ZNF462: variants seen among roughly 807,000 people sequenced by gnomAD.
ZNF462 encodes the protein zinc finger protein 462, also known as zinc finger PBX1-interacting protein.
In ZNF462, 10 loss-of-function variants were observed where a neutral mutation model predicts 201.9. The ratio of observed to expected loss-of-function variants is 0.05; its 90% confidence interval spans 0.03 to 0.08. The LOEUF (loss-of-function observed/expected upper bound fraction) is 0.08, where lower values mean the gene tolerates loss of function less well. Among genes scored for constraint, ZNF462 ranks in the 10% least tolerant of loss-of-function variants. The pLI, the probability that ZNF462 is intolerant of heterozygous loss-of-function variation, is 1.00. For missense variants in ZNF462, 2,523 were observed against 3,168.3 expected (o/e 0.80, Z 4.89); for synonymous variants, 1,227 against 1,193.3 (o/e 1.03, Z -0.58).
At position 106,880,600 on chromosome 9, in the gene ZNF462, T is replaced by C. The variant is rs567894437; in HGVS notation, c.-31+17245T>C. On this transcript the variant is annotated intron_variant, in intron 1 of 12. Transcript: ENST00000277225. The surrounding 1 kb of genome is among the most constrained non-coding windows in gnomAD (Gnocchi z 4.1). ...TGATCCTGCCTTTCTGGTGTCAGTTTTGTGGAGCTGCTAGAATAGAAAGAG... is the reference window on the plus strand; with the variant it reads ...TGATCCTGCCTTTCTGGTGTCAGTTCTGTGGAGCTGCTAGAATAGAAAGAG... 8.5e-5 allele frequency among the ~76,000 whole-genome samples: 13 copies of C among 152,330 alleles called. No homozygotes were observed. The highest frequency in any genetic ancestry group is 3.1e-4 in the African/African-American group (13 of 41,570).
At position 106,963,981 on chromosome 9, in the gene ZNF462, CCTT is replaced by C. The variant is rs971809793; in HGVS notation, c.6428-8020_6428-8018del. Among the ~76,000 whole-genome samples, 3 of 150,694 alleles carry C rather than the reference CCTT, an allele frequency of 2.0e-5. No homozygotes were observed. The highest frequency in any genetic ancestry group is 7.3e-5 in the African/African-American group (3 of 40,820). The stretch of plus-strand genomic sequence containing the variant: ...CTGGCTTTAGCATATAACAAGATTT[CCTT>C]CTTTTTTAAGGCTAAATAATATTCG... On this transcript the variant is annotated intron_variant, in intron 7 of 12. Transcript: ENST00000277225. The surrounding 1 kb of genome is among the most constrained non-coding windows in gnomAD (Gnocchi z 4.7).
In ZNF462 at chr9:106,966,620, T is replaced by A. The variant is rs192738083; in HGVS notation, c.6428-5385T>A. Among the ~76,000 whole-genome samples, 43 of 152,246 alleles carry A rather than the reference T, an allele frequency of 2.8e-4. No homozygotes were observed. Among genetic ancestry groups the A allele is most frequent in the Admixed American group, 1.7e-3 (26 of 15,270 alleles). ...GTTTGCATTGTATCACGATCAATTA[T>A]TTACATCTTTGTCTGAGAAAGTGAG... On this transcript the variant is annotated intron_variant, in intron 7 of 12. Transcript: ENST00000277225. This position sits in a 1 kb window ranked among gnomAD's most constrained non-coding sequence, Gnocchi z 4.4.
Position 106,927,152 on chromosome 9 carries a change from A to T in ZNF462, c.3240A>T (p.Gln1080His), listed in dbSNP as rs539882849. Residue 1080 changes from glutamine to histidine, a missense_variant, in exon 3 of 13, where the codon CAA (glutamine) becomes CAT (histidine). Gln to His is a conservative substitution (Grantham distance 24). This residue lies in a region of ZNF462 where 280 missense variants were observed against 321.3 expected (regional missense o/e 0.87). Coordinates refer to ENST00000277225, the MANE Select transcript of ZNF462 (RefSeq NM_021224.6). Reference sequence around the variant, plus strand: ...TGGACAGGGGCTCTGCCCTTTCTCAATTATCATTTGAGGTGGGTGCTCCAA... The same window carrying T: ...TGGACAGGGGCTCTGCCCTTTCTCATTTATCATTTGAGGTGGGTGCTCCAA... ...VSVDRGSALS[Q>H]LSFEVGAPMS... The T allele has an allele frequency of 1.2e-6, 2 of 1,614,092 alleles. No homozygotes were observed. Among genetic ancestry groups the T allele is most frequent in the African/African-American group, 2.7e-5 (2 of 75,024 alleles).
Position 106,864,103 on chromosome 9 carries a change from T to C in ZNF462, c.-31+748T>C, listed in dbSNP as rs867978290. ...CTCTCTCTCTCTCTCTCTCTCTCTC[T>C]CTCTCTCCCTCTCCCCGAAGTTGGG... is the stretch of plus-strand genomic sequence containing the variant. On this transcript the variant is annotated intron_variant, in intron 1 of 12. Transcript: ENST00000277225. Among the ~76,000 whole-genome samples, 138 of 109,970 alleles carry C rather than the reference T, an allele frequency of 1.3e-3. 1 individual carries two copies. The highest frequency in any genetic ancestry group is 4.1e-3 in the East Asian group (16 of 3,906). The allele number at this position is 109,970 out of a possible 152,430, so 72.1% of individuals were successfully genotyped here.
chr9:106,985,680 T>G (rs528367941), intron 10 of ZNF462, among the ~76,000 whole-genome samples: 4 of 152,210 alleles, frequency 2.6e-5, no homozygotes, highest in Non-Finnish European at 5.9e-5. Context: ...TTGCTCTGTA[T>G]CCTCATGAGT....
chr9:106,980,001 T>C (rs1827301031), intron 9 of ZNF462, among the ~76,000 whole-genome samples: 1 of 152,334 alleles, frequency 6.6e-6, no homozygotes, highest in South Asian at 2.1e-4. Context: ...CTAATTTATC[T>C]GATCAGTGTC....
At position 107,011,088 on chromosome 9, in the gene ZNF462, G is replaced by T. The variant is rs1036188650; in HGVS notation, c.*58G>T. 6.4e-7 allele frequency: 1 copy of T among 1,556,116 alleles called. No individual in the cohort carries two copies. Among genetic ancestry groups the T allele is most frequent in the Admixed American group, 1.7e-5 (1 of 59,004 alleles). On this transcript the variant is annotated 3_prime_UTR_variant, in exon 13 of 13. Coordinates refer to ENST00000277225, the MANE Select transcript of ZNF462 (RefSeq NM_021224.6). This position sits in a 1 kb window ranked among gnomAD's most constrained non-coding sequence, Gnocchi z 5.6. The stretch of plus-strand genomic sequence containing the variant: ...TGAACAGTGATGAAAAAGTGGGAGG[G>T]CTGGCTTGGGCTGAGAAGGGAGGGA...
chr9:106,937,547 A>T (rs1472934475), intron 6 of ZNF462, among the ~76,000 whole-genome samples: 1 of 152,206 alleles, frequency 6.6e-6, no homozygotes, highest in East Asian at 1.9e-4. Context: ...AATTTTAAAA[A>T]TACATGTTCA....
At position 106,970,403 on chromosome 9, in the gene ZNF462, A is replaced by G. The variant is rs1826535748; in HGVS notation, c.6428-1602A>G. On this transcript the variant is annotated intron_variant, in intron 7 of 12. Coordinates refer to ENST00000277225, the MANE Select transcript of ZNF462 (RefSeq NM_021224.6). This position sits in a 1 kb window ranked among gnomAD's most constrained non-coding sequence, Gnocchi z 4.2. ...TTTGCAGACAGGCGGTGGCCCAGCA[A>G]TCAGGGAGGCTGCTCTGCTTTTGTT... Among the ~76,000 whole-genome samples the G allele has an allele frequency of 6.6e-6, 1 of 152,148 alleles. No individual in the cohort carries two copies. Among genetic ancestry groups the G allele is most frequent in the Admixed American group, 6.6e-5 (1 of 15,264 alleles).
At chr9:106,866,803 GAGTT>G in intron 1 of ZNF462, among the ~76,000 whole-genome samples, 1 of 152,284 alleles carries the variant, frequency 6.6e-6, no homozygotes, top group Non-Finnish European at 1.5e-5. Context: ...AATGGATAAA[GAGTT>G]ATTTGGAAAA....
intron 6 of ZNF462, among the ~76,000 whole-genome samples, chr9:106,936,423 G>A (rs1405978161): frequency 6.6e-6 from 1 of 152,076 alleles, no homozygotes; most frequent in African/African-American, 2.4e-5. Flanking sequence ...CTTCACTTTC[G>A]CCAGCTCCTC....
Position 106,935,083 on chromosome 9 carries a change from T to C in ZNF462, c.6117-420T>C, listed in dbSNP as rs1422458032. Reference sequence around the variant, plus strand: ...AAGAAAGTCAGCTCTTTTCAAATGCTAAATTTCTCTAATTCCCATTCTGTT... The same window carrying C: ...AAGAAAGTCAGCTCTTTTCAAATGCCAAATTTCTCTAATTCCCATTCTGTT... On this transcript the variant is annotated intron_variant, in intron 5 of 12. Coordinates refer to ENST00000277225, the MANE Select transcript of ZNF462 (RefSeq NM_021224.6). The surrounding 1 kb of genome is among the most constrained non-coding windows in gnomAD (Gnocchi z 4.1). Among the ~76,000 whole-genome samples, 1 of 152,230 alleles carries C rather than the reference T, an allele frequency of 6.6e-6. No homozygotes were observed. Among genetic ancestry groups the C allele is most frequent in the African/African-American group, 2.4e-5 (1 of 41,474 alleles).
rs1453363354 is a variant in ZNF462, at chr9:106,938,088, A to G, written c.6236-828A>G. On this transcript the variant is annotated intron_variant, in intron 6 of 12. Coordinates refer to ENST00000277225, the MANE Select transcript of ZNF462 (RefSeq NM_021224.6). This position sits in a 1 kb window ranked among gnomAD's most constrained non-coding sequence, Gnocchi z 4.4. ...GTTCTTAAAATGTAATTAATTTAAC[A>G]GGTAATATATGGCGAAGGTAAATCA... Among the ~76,000 whole-genome samples, 6 of 152,232 alleles carry G rather than the reference A, an allele frequency of 3.9e-5. No individual in the cohort carries two copies. The highest frequency in any genetic ancestry group is 2.0e-4 in the Admixed American group (3 of 15,288).
chr9:106,930,648 G>A lies in ZNF462; in HGVS notation c.5971G>A (p.Val1991Ile), dbSNP rs990572990. 11 of 1,614,034 alleles carry A rather than the reference G, an allele frequency of 6.8e-6. No individual in the cohort carries two copies. Among genetic ancestry groups the A allele is most frequent in the Admixed American group, 5.0e-5 (3 of 59,998 alleles). Reference protein sequence around the residue: ...RAICNHLRKHVQYGNVPAVSA... With the variant: ...RAICNHLRKHIQYGNVPAVSA... Reference sequence around the variant, plus strand: ...CATCTGCAATCACCTCCGAAAGCACGTCCAGTATGGCAATGTCCCAGCTGT... The same window carrying A: ...CATCTGCAATCACCTCCGAAAGCACATCCAGTATGGCAATGTCCCAGCTGT... Residue 1991 changes from valine (V) to isoleucine (I), a missense_variant, in exon 4 of 13, where the codon GTC becomes ATC. Physicochemically the swap from Val to Ile is conservative, Grantham distance 29 (BLOSUM62 3). Transcript: ENST00000277225. This position sits in a 1 kb window ranked among gnomAD's most constrained non-coding sequence, Gnocchi z 5.8.
chr9:106,986,333 A>C (rs1240117148), intron 10 of ZNF462, among the ~76,000 whole-genome samples: 2 of 152,154 alleles, frequency 1.3e-5, no homozygotes, highest in Non-Finnish European at 2.9e-5. Flanking sequence ...TCTTGTCTCC[A>C]CCATTTACTG....
rs1829530232 is a variant in ZNF462 at position 107,006,189 on chromosome 9, T to C, written c.7189+2763T>C. ...CAGGGTGTGGTTCCATGGGTTGTTG[T>C]AAAGATTAAATGAGATAACACAGAA... On this transcript the variant is annotated intron_variant, in intron 11 of 12. Transcript: ENST00000277225. This position sits in a 1 kb window ranked among gnomAD's most constrained non-coding sequence, Gnocchi z 4.3. 6.6e-6 allele frequency among the ~76,000 whole-genome samples: 1 copy of C among 152,156 alleles called. No individual in the cohort carries two copies. The highest frequency in any genetic ancestry group is 2.4e-5 in the African/African-American group (1 of 41,442).
rs927004048 is a variant in ZNF462 at position 106,978,464 on chromosome 9, G to A, written c.6832+4191G>A. 1.3e-5 allele frequency among the ~76,000 whole-genome samples: 2 copies of A among 151,602 alleles called. No homozygotes were observed. The highest frequency in any genetic ancestry group is 2.9e-5 in the Non-Finnish European group (2 of 68,048). ...CAAATTCTGATCAGGTTACTGATGA[G>A]ACACTTATTGAATACTAATTTAGCA... On this transcript the variant is annotated intron_variant, in intron 9 of 12. Transcript: ENST00000277225. The surrounding 1 kb of genome is among the most constrained non-coding windows in gnomAD (Gnocchi z 4.1).
Position 106,984,115 on chromosome 9 carries a change from A to G in ZNF462, c.6833-71A>G, listed in dbSNP as rs1025926554. ...CAAGATTGGGTGAGTTTCTTCTTGT[A>G]TTCCAAAGAAAGAACTTCTGTTTTG... On this transcript the variant is annotated intron_variant, in intron 9 of 12. Transcript: ENST00000277225. This position sits in a 1 kb window ranked among gnomAD's most constrained non-coding sequence, Gnocchi z 6.4. The G allele has an allele frequency of 3.4e-5, 48 of 1,429,620 alleles. No homozygotes were observed. The highest frequency in any genetic ancestry group is 5.7e-5 in the African/African-American group (4 of 70,536). The allele number at this position is 1,429,620 out of a possible 1,614,324, so 88.6% of individuals were successfully genotyped here. A position where few individuals can be genotyped will look rare whatever the true frequency, so the allele number is the denominator to read the frequency against.
rs1264449993 is a variant in ZNF462, at chr9:106,924,771, G to T, written c.859G>T (p.Asp287Tyr). The change falls in exon 3 of 13, where the codon GAT (aspartate) becomes TAT (tyrosine). Residue 287 changes from aspartate (D) to tyrosine (Y), a missense_variant. Coordinates refer to ENST00000277225, the MANE Select transcript of ZNF462 (RefSeq NM_021224.6). The surrounding 1 kb of genome is among the most constrained non-coding windows in gnomAD (Gnocchi z 6.2). ...GCAACAAGAAGGAACTAATCTACCT[G>T]ATGTGCCGAACAAGAGTGCCCCCAG... is the stretch of plus-strand genomic sequence containing the variant. ...RQQQEGTNLP[D>Y]VPNKSAPSPT... 1 of 1,614,080 alleles carries T rather than the reference G, an allele frequency of 6.2e-7. No homozygotes were observed.
Sources: gnomAD v4.1 joint callset for allele counts (sites outside exome capture counted in the v4.1 genomes callset) on GRCh38, gnomAD v4.1.1 for gene constraint, gnomAD v4.1.1 regional missense constraint, Gnocchi (gnomAD v3.1) non-coding constraint, MANE v1.5 for transcripts, NCBI Gene and HGNC (gene_info 2026-07-23, HGNC 2026-07-21) for gene names.